The following PFKFB3 variants were observed in gnomAD, a reference collection of about 807,000 sequenced individuals.
PFKFB3 encodes the protein 6-phosphofructo-2-kinase/fructose-2,6-bisphosphatase 3.
Under a neutral mutation model 68.0 loss-of-function variants are expected in PFKFB3, and 33 were observed. That is an observed-to-expected ratio of 0.49 (90% CI 0.37 to 0.65). The LOEUF (loss-of-function observed/expected upper bound fraction) is 0.65. Among genes scored for constraint, PFKFB3 ranks in the 30% least tolerant of loss-of-function variants. The pLI, the probability that PFKFB3 is intolerant of heterozygous loss-of-function variation, is 0.00. For missense variants in PFKFB3, 586 were observed against 712.2 expected (o/e 0.82, Z 2.02); for synonymous variants, 315 against 288.2 (o/e 1.09, Z -0.94).
chr10:6,187,198 T>TAAAAAAAAAA (rs770875957), intron 1 of PFKFB3, among the ~76,000 whole-genome samples: 7 of 142,098 alleles, frequency 4.9e-5, no homozygotes, highest in African/African-American at 1.8e-4. Context: ...CTGTTTCTAC[T>TAAAAAAAAAA]AAAAAAAAAA....
At chr10:6,173,202 C>T (rs1254348026) in intron 1 of PFKFB3, among the ~76,000 whole-genome samples, 1 of 152,186 alleles carries the variant, frequency 6.6e-6, no homozygotes, top group Non-Finnish European at 1.5e-5. Context: ...TTGGAGCCCT[C>T]ACCCTGGGCA....
the PFKFB3 span, among the ~76,000 whole-genome samples, chr10:6,312,546 CT>C: frequency 6.6e-6 from 1 of 152,176 alleles, no homozygotes; most frequent in Non-Finnish European, 1.5e-5. Flanking sequence ...CTAAAATCTA[CT>C]TTTGCCATGT....
chr10:6,310,618 T>G, the PFKFB3 span, among the ~76,000 whole-genome samples: 2 of 152,238 alleles, frequency 1.3e-5, no homozygotes, highest in East Asian at 1.9e-4. Flanking sequence ...GCCTTGACTC[T>G]ACTCTACCAC....
intron 10 of PFKFB3, 100 bp from the exon 11 acceptor site, chr10:6,222,755 T>C: frequency 1.5e-6 from 2 of 1,307,486 alleles, no homozygotes; most frequent in East Asian, 5.3e-5. Context: ...GGATGATTGA[T>C]TTTGCGTGGC....
intron 1 of PFKFB3, among the ~76,000 whole-genome samples, chr10:6,195,711 G>A (rs562442404): frequency 5.3e-5 from 8 of 152,360 alleles, no homozygotes; most frequent in African/African-American, 1.7e-4. Flanking sequence ...AATTCTCTTG[G>A]GGGAGAAGGT....
the PFKFB3 span, among the ~76,000 whole-genome samples, chr10:6,290,781 G>A: frequency 1.3e-5 from 2 of 152,152 alleles, no homozygotes; most frequent in Admixed American, 1.3e-4. Context: ...TGGGATTACA[G>A]GCATAAGCCA....
At chr10:6,186,451 G>A (rs988512582) in intron 1 of PFKFB3, among the ~76,000 whole-genome samples, 2 of 152,186 alleles carry the variant, frequency 1.3e-5, no homozygotes, top group Middle Eastern at 3.2e-3. Context: ...TGGAGTGGTC[G>A]CAGGTATACC....
intron 1 of PFKFB3, among the ~76,000 whole-genome samples, chr10:6,148,923 T>A (rs1391501910): frequency 6.6e-6 from 1 of 151,784 alleles, no homozygotes; most frequent in Non-Finnish European, 1.5e-5. Flanking sequence ...ACCAAAAAAA[T>A]TAAAAATCAG....
the PFKFB3 span, among the ~76,000 whole-genome samples, chr10:6,305,005 A>ATTTTTTTTTTTTTTTTTTTTTT: frequency 2.1e-4 from 3 of 14,528 alleles, no homozygotes; most frequent in African/African-American, 3.5e-4. Context: ...AATATTAGGA[A>ATTTTTTTTTTTTTTTTTTTTTT]TTTTTTTTTT....
chr10:6,283,702 CTGTGGA>C, the PFKFB3 span, among the ~76,000 whole-genome samples: 1 of 152,166 alleles, frequency 6.6e-6, no homozygotes, highest in Non-Finnish European at 1.5e-5. Flanking sequence ...TTTTCAGTTG[CTGTGGA>C]CCCCCAGATT....
chr10:6,185,495 G>C (rs558679274), intron 1 of PFKFB3, among the ~76,000 whole-genome samples: 1 of 152,262 alleles, frequency 6.6e-6, no homozygotes, highest in East Asian at 1.9e-4. Flanking sequence ...GGGACGCCAG[G>C]GTCTCCCATC....
At chr10:6,219,889 C>T (rs542638184) in intron 7 of PFKFB3, among the ~76,000 whole-genome samples, 196 bp downstream of exon 7, 19 of 151,750 alleles carry the variant, frequency 1.3e-4, no homozygotes, top group East Asian at 7.8e-4. Context: ...CACATACAGC[C>T]GCTGGATACC....
At chr10:6,209,177 G>A (rs771042802) in intron 1 of PFKFB3, among the ~76,000 whole-genome samples, 25 of 152,148 alleles carry the variant, frequency 1.6e-4, no homozygotes, top group Non-Finnish European at 2.5e-4. Context: ...ACTTACCCAC[G>A]TGGCCATGGT....
chr10:6,250,570 C>CA (rs34324800), intron 14 of PFKFB3, among the ~76,000 whole-genome samples: 2,519 of 122,398 alleles, frequency 0.021, 34 homozygotes, highest in Non-Finnish European at 0.034. Flanking sequence ...GACTCGGTCT[C>CA]AAAAAAAAAA....
intron 14 of PFKFB3, chr10:6,231,381 T>C (rs1429242665): frequency 1.9e-6 from 3 of 1,606,876 alleles, no homozygotes; most frequent in Non-Finnish European, 2.5e-6. Flanking sequence ...GTGTGCAGAC[T>C]GGCCATCGTG....
chr10:6,224,567 A>G lies in PFKFB3; in HGVS notation c.1341+354A>G, dbSNP rs563633977. Reference sequence around the variant, plus strand: ...GCAGTCACGGCTCACTGCAGCCTCAACCTCCTGGGTTCAAGTGATCCTCCC... The same window carrying G: ...GCAGTCACGGCTCACTGCAGCCTCAGCCTCCTGGGTTCAAGTGATCCTCCC... On this transcript the variant is annotated intron_variant, in intron 13 of 14. Transcript: ENST00000379775. The G allele has an allele frequency of 1.4e-4, 62 of 449,206 alleles. 2 individuals are homozygous for G. Among genetic ancestry groups the G allele is most frequent in the South Asian group, 9.0e-4 (55 of 61,408 alleles). 27.8% of individuals were successfully genotyped at this position (449,206 alleles called of 1,614,324 possible).
intron 1 of PFKFB3, among the ~76,000 whole-genome samples, chr10:6,183,706 G>C: frequency 9.8e-6 from 1 of 102,050 alleles, no homozygotes; most frequent in East Asian, 3.0e-4. Flanking sequence ...TTTTTTTTTT[G>C]AGACAGAGTC....
chr10:6,182,240 C>G (rs1161839278), intron 1 of PFKFB3, among the ~76,000 whole-genome samples: 2 of 151,960 alleles, frequency 1.3e-5, no homozygotes, highest in African/African-American at 4.8e-5. Flanking sequence ...CTCACCACCC[C>G]CTTCTCTCTT....
intron 1 of PFKFB3, among the ~76,000 whole-genome samples, chr10:6,177,438 C>CCCTTTCTTTCTTTCTT (rs1554842947): frequency 3.5e-5 from 3 of 86,630 alleles, no homozygotes; most frequent in Non-Finnish European, 6.9e-5. Context: ...TCTTTTCTTT[C>CCCTTTCTTTCTTTCTT]TCTTTCTTTC....
Sources: allele counts gnomAD v4.1 joint callset (sites outside exome capture counted in the v4.1 genomes callset), GRCh38; gene constraint gnomAD v4.1.1; transcripts MANE v1.5; gene names NCBI Gene and HGNC (gene_info 2026-07-23, HGNC 2026-07-21).